Variants in SIPA1L3 observed in about 807,000 individuals in gnomAD.
SIPA1L3 encodes the protein signal induced proliferation associated 1 like 3.
In SIPA1L3, 59 loss-of-function variants were observed where a neutral mutation model predicts 150.1. The observed-to-expected ratio is 0.39, with a 90% confidence interval of 0.32 to 0.49. The LOEUF is 0.49. SIPA1L3 is among the 20% of genes least tolerant of loss of function. The probability of loss-of-function intolerance (pLI) is 0.86; values close to 1 mark genes in which losing one functional copy is unlikely to be tolerated. For synonymous variants in SIPA1L3, 1,070 were observed against 1,077.6 expected (o/e 0.99, Z 0.14); for missense variants, 2,211 against 2,489.5 (o/e 0.89, Z 2.38).
intron 1 of SIPA1L3, among the ~76,000 whole-genome samples, chr19:37,951,665 G>T (rs2145554089): frequency 6.6e-6 from 1 of 152,176 alleles, no homozygotes; most frequent in South Asian, 2.1e-4. Flanking sequence ...TTGGGAGGCT[G>T]AGGTGGGCGG....
chr19:37,944,014 C>T (rs368074039), intron 1 of SIPA1L3, among the ~76,000 whole-genome samples: 100 of 152,248 alleles, frequency 6.6e-4, no homozygotes, highest in African/African-American at 2.3e-3. Context: ...GGGCCGGACA[C>T]GCCTGTAATC....
intron 1 of SIPA1L3, among the ~76,000 whole-genome samples, chr19:37,985,198 CTT>C (rs1043071375): frequency 3.3e-4 from 46 of 141,048 alleles, no homozygotes; most frequent in Non-Finnish European, 3.6e-4. Flanking sequence ...TTGTTTTTTT[CTT>C]TTTTTTTTTT....
chr19:38,171,211 C>T (rs182983442), intron 15 of SIPA1L3, among the ~76,000 whole-genome samples: 1 of 151,900 alleles, frequency 6.6e-6, no homozygotes, highest in South Asian at 2.1e-4. Flanking sequence ...AGGGTGGTAT[C>T]GTCAGGCCAC....
At chr19:37,981,975 A>C (rs933585304) in intron 1 of SIPA1L3, among the ~76,000 whole-genome samples, 1 of 152,182 alleles carries the variant, frequency 6.6e-6, no homozygotes, top group African/African-American at 2.4e-5. Flanking sequence ...GAGCACGTTA[A>C]TCTATCTTGC....
intron 15 of SIPA1L3, among the ~76,000 whole-genome samples, chr19:38,171,650 C>T (rs1972330971): frequency 6.6e-6 from 1 of 151,950 alleles, no homozygotes; most frequent in South Asian, 2.1e-4. Flanking sequence ...ACCTTGGCCT[C>T]CCAAAGTGCT....
intron 4 of SIPA1L3, among the ~76,000 whole-genome samples, chr19:38,097,317 C>T (rs532940679): frequency 6.6e-6 from 1 of 152,230 alleles, no homozygotes; most frequent in East Asian, 1.9e-4. Context: ...CCACTCCATT[C>T]CAGCCTGGGC....
rs1446154300 is a variant in SIPA1L3 at position 38,164,147 on chromosome 19, C to T, written c.3781-332C>T. ...TTGGCAGGGGCAGCTGAAAGCATGG[C>T]CGGCGTCATTGAGATGAGGAAGACG... On this transcript the variant is annotated intron_variant, in intron 14 of 21. Coordinates refer to ENST00000222345, the MANE Select transcript of SIPA1L3 (RefSeq NM_015073.3). This position sits in a 1 kb window ranked among gnomAD's most constrained non-coding sequence, Gnocchi z 4.1. Among the ~76,000 whole-genome samples the T allele has an allele frequency of 6.6e-6, 1 of 152,128 alleles. No homozygotes were observed. Among genetic ancestry groups the T allele is most frequent in the Non-Finnish European group, 1.5e-5 (1 of 68,018 alleles).
chr19:38,191,502 T>C (rs1361780739), intron 16 of SIPA1L3, among the ~76,000 whole-genome samples: 1 of 150,786 alleles, frequency 6.6e-6, no homozygotes, highest in African/African-American at 2.4e-5. Context: ...CACGTTCTGC[T>C]GGGTAGACTG....
intron 2 of SIPA1L3, among the ~76,000 whole-genome samples, chr19:38,070,698 G>A (rs1969696453): frequency 6.6e-6 from 1 of 152,230 alleles, no homozygotes; most frequent in Non-Finnish European, 1.5e-5. Context: ...TTGTGTGAGT[G>A]AATGGATGAA....
intron 2 of SIPA1L3, among the ~76,000 whole-genome samples, chr19:38,067,654 C>A (rs1340564530): frequency 1.3e-5 from 2 of 151,756 alleles, no homozygotes; most frequent in Non-Finnish European, 2.9e-5. Context: ...CCCAGCTACT[C>A]TGGAGGCTGA....
At chr19:38,153,080 A>C in intron 13 of SIPA1L3, 113 bp downstream of exon 13, 1 of 1,359,764 alleles carries the variant, frequency 7.4e-7, no homozygotes, top group Non-Finnish European at 9.8e-7. Context: ...TAAAACACAA[A>C]AGAAAGCTGT....
At chr19:38,116,231 C>T (rs556461909) in intron 8 of SIPA1L3, among the ~76,000 whole-genome samples, 1 of 151,956 alleles carries the variant, frequency 6.6e-6, no homozygotes, top group Non-Finnish European at 1.5e-5. Flanking sequence ...ATAAAGAGAC[C>T]GGGTGCAGTG....
intron 2 of SIPA1L3, among the ~76,000 whole-genome samples, chr19:38,057,196 A>G (rs1969336200): frequency 6.6e-6 from 1 of 151,942 alleles, no homozygotes; most frequent in Non-Finnish European, 1.5e-5. Context: ...GCTTGAACCC[A>G]GGAAGCGGAC....
chr19:38,069,681 G>A (rs756123137), intron 2 of SIPA1L3, among the ~76,000 whole-genome samples: 45 of 151,236 alleles, frequency 3.0e-4, no homozygotes, highest in Non-Finnish European at 5.5e-4. Context: ...TTTTATTTTT[G>A]TGAGACAGAG....
At chr19:38,040,837 T>C (rs1276572081) in intron 2 of SIPA1L3, among the ~76,000 whole-genome samples, 2 of 152,242 alleles carry the variant, frequency 1.3e-5, no homozygotes, top group Admixed American at 1.3e-4. Context: ...CTCCGCTCAC[T>C]GCAAGCTCCG....
intron 16 of SIPA1L3, among the ~76,000 whole-genome samples, chr19:38,190,359 GTCTC>G (rs1005200075): frequency 2.6e-5 from 4 of 152,162 alleles, no homozygotes; most frequent in Non-Finnish European, 5.9e-5. Context: ...CTGTCTCTCT[GTCTC>G]TCTATTTCTC....
rs757675798 is a variant in SIPA1L3 at position 38,082,902 on chromosome 19, G to A, written c.1337G>A (p.Arg446Gln). Residue 446 changes from arginine (R) to glutamine (Q), a missense_variant, in exon 3 of 22, where the codon CGG becomes CAG. Physicochemically the swap from Arg to Gln is conservative, Grantham distance 43. Around this residue, in one of 5 missense-constraint regions of SIPA1L3, gnomAD observed 587 missense variants for 534.5 expected, o/e 1.10. Transcript: ENST00000222345. Reference protein sequence around the residue: ...GECERNVSFSRASVGSPSSGE... With the variant: ...GECERNVSFSQASVGSPSSGE... ...TGTGAGCGCAACGTGAGCTTCTCCC[G>A]GGCTTCCGTGGGCTCCCCGAGCAGC... is the stretch of plus-strand genomic sequence containing the variant. The A allele has an allele frequency of 2.7e-5, 44 of 1,613,120 alleles. No homozygotes were observed. Among genetic ancestry groups the A allele is most frequent in the African/African-American group, 4.0e-5 (3 of 74,936 alleles).
intron 1 of SIPA1L3, among the ~76,000 whole-genome samples, chr19:37,934,701 C>A (rs975840158): frequency 1.4e-5 from 2 of 146,880 alleles, no homozygotes; most frequent in Non-Finnish European, 3.0e-5. Context: ...CAGCATCCTC[C>A]CGCAATCCTT....
At chr19:38,035,871 G>A (rs1228251316) in intron 2 of SIPA1L3, among the ~76,000 whole-genome samples, 2 of 152,142 alleles carry the variant, frequency 1.3e-5, no homozygotes, top group East Asian at 3.9e-4. Context: ...GATAATAAGC[G>A]TGAGCTGCTG....
Sources: gnomAD v4.1 joint callset for allele counts (sites outside exome capture counted in the v4.1 genomes callset) on GRCh38, gnomAD v4.1.1 for gene constraint, gnomAD v4.1.1 regional missense constraint, Gnocchi (gnomAD v3.1) non-coding constraint, MANE v1.5 for transcripts, NCBI Gene and HGNC (gene_info 2026-07-23, HGNC 2026-07-21) for gene names.